The following TNK2 variants were observed in gnomAD, a reference collection of about 807,000 sequenced individuals.
TNK2 encodes the protein tyrosine kinase non receptor 2.
TNK2 carries 83 observed loss-of-function variants against 101.8 expected under a neutral mutation model. That is an observed-to-expected ratio of 0.82 (90% CI 0.68 to 0.98). The LOEUF (loss-of-function observed/expected upper bound fraction) is 0.98. Among genes scored for constraint, TNK2 ranks in the 50% least tolerant of loss-of-function variants. The pLI is 0.00. For synonymous variants in TNK2, 804 were observed against 633.0 expected (o/e 1.27, Z -4.06); for missense variants, 1,665 against 1,483.2 (o/e 1.12, Z -2.01).
intron 10 of TNK2, among the ~76,000 whole-genome samples, chr3:195,871,021 G>A (rs1007477602): frequency 1.5e-3 from 189 of 127,750 alleles, no homozygotes; most frequent in Non-Finnish European, 2.4e-3. Context: ...GTGTGTGGGG[G>A]CCCGCTGTGT....
rs1226776400 is a variant in TNK2 at position 195,887,809 on chromosome 3, CGTGTGCATGCGG to C, written c.163+605_163+616del. Among the ~76,000 whole-genome samples the C allele has an allele frequency of 1.3e-5, 2 of 148,560 alleles. 1 individual carries two copies. Among genetic ancestry groups the C allele is most frequent in the Admixed American group, 1.3e-4 (2 of 15,054 alleles). ...TGTGTGTACATGTGTGTATGCCGTG[CGTGTGCATGCGG>C]GTGTGCGCACACACGTGTGTGTGTG... On this transcript the variant is annotated intron_variant, in intron 2 of 15. Transcript: ENST00000672887.
At chr3:195,883,620 G>A (rs1754257682) in intron 4 of TNK2, 1 of 263,654 alleles carries the variant, frequency 3.8e-6, no homozygotes, top group South Asian at 5.8e-5. Flanking sequence ...TTATAAAATG[G>A]AATTTTTTTT....
In TNK2 at chr3:195,878,229, G is replaced by A. The variant is rs12233585; in HGVS notation, c.1256+24C>T. 0.02 allele frequency: 31,723 copies of A among 1,609,160 alleles called. 2,250 individuals are homozygous for A. In the East Asian group the frequency reaches 0.26, roughly 13 times the overall value. The stretch of plus-strand genomic sequence containing the variant: ...TGTGCCCTTCAAGCGATCCCAGGGC[G>A]GGGCCCAGCCCTGCACTCCCTACCT... On this transcript the variant is annotated intron_variant, in intron 9 of 15. Transcript: ENST00000672887. The surrounding 1 kb of genome is among the most constrained non-coding windows in gnomAD (Gnocchi z 4.7).
At position 195,885,678 on chromosome 3, in the gene TNK2, C is replaced by T. The variant is rs979516686; in HGVS notation, c.235-645G>A. ...CTGGAGGGGCGCCTAGAGCTGAGGGCTGAGACGGAAGGAAAAGTGGAGGAG... is the reference window on the plus strand; with the variant it reads ...CTGGAGGGGCGCCTAGAGCTGAGGGTTGAGACGGAAGGAAAAGTGGAGGAG... On this transcript the variant is annotated intron_variant, in intron 3 of 15. Coordinates refer to ENST00000672887, the MANE Select transcript of TNK2 (RefSeq NM_001382273.1). The surrounding 1 kb of genome is among the most constrained non-coding windows in gnomAD (Gnocchi z 4.7). 2.1e-5 allele frequency: 21 copies of T among 984,424 alleles called. No homozygotes were observed. The highest frequency in any genetic ancestry group is 2.8e-5 in the Non-Finnish European group (20 of 719,998). 61.0% of individuals were successfully genotyped at this position (984,424 alleles called of 1,614,324 possible).
Position 195,868,140 on chromosome 3 carries a change from CTGCGGTCTG to C in TNK2, c.2149_2157del (p.Gln717_Ala719del). ...TCCTGCTGTAGCGCCTGGAAGATCT[CTGCGGTCTG>C]TGCGGAGCTGGGCGGCTTGCCCCCA... On this transcript the variant is annotated inframe_deletion, in exon 13 of 16. Coordinates refer to ENST00000672887, the MANE Select transcript of TNK2 (RefSeq NM_001382273.1). 1 of 1,611,678 alleles carries C rather than the reference CTGCGGTCTG, an allele frequency of 6.2e-7. No homozygotes were observed. Among genetic ancestry groups the C allele is most frequent in the Non-Finnish European group, 8.5e-7 (1 of 1,179,512 alleles).
In TNK2 at chr3:195,867,889, G is replaced by A. The variant is rs1741973990; in HGVS notation, c.2409C>T (p.Gly803=). 2.0e-6 allele frequency: 3 copies of A among 1,531,032 alleles called. No homozygotes were observed. The highest frequency in any genetic ancestry group is 1.4e-5 in the African/African-American group (1 of 71,818). The allele number at this position is 1,531,032 out of a possible 1,614,324, so 94.8% of individuals were successfully genotyped here. A position where few individuals can be genotyped will look rare whatever the true frequency, so the allele number is the denominator to read the frequency against. ...VPPREPLSPQ[G]SRTPSPLVPP... Reference sequence around the variant, plus strand: ...GTACCAGGGGGCTGGGTGTCCTCGAGCCTTGAGGGGACAGGGGCTCCCGCG... The same window carrying A: ...GTACCAGGGGGCTGGGTGTCCTCGAACCTTGAGGGGACAGGGGCTCCCGCG... Residue 803 remains glycine (G), a synonymous_variant, in exon 13 of 16, where the codon GGC becomes GGT. Coordinates refer to ENST00000672887, the MANE Select transcript of TNK2 (RefSeq NM_001382273.1).
intron 2 of TNK2, among the ~76,000 whole-genome samples, chr3:195,887,943 CGTGTGTGCCTGCGTGTGTGTGTGT>C (rs1297585686): frequency 1.8e-5 from 2 of 110,716 alleles, no homozygotes; most frequent in African/African-American, 4.3e-5. Context: ...TGCGCATGTG[CGTGTGTGCCTGCGTGTGTGTGTGT>C]GTGTGTGTAT....
intron 1 of TNK2, chr3:195,896,271 T>G (rs1357545161): frequency 5.7e-6 from 2 of 350,246 alleles, no homozygotes; most frequent in African/African-American, 4.5e-5. Context: ...GTACCAGGTA[T>G]TTAGGGCTGA....
chr3:195,907,266 T>C (rs1761823239), intron 1 of TNK2, among the ~76,000 whole-genome samples: 1 of 152,134 alleles, frequency 6.6e-6, no homozygotes, highest in Non-Finnish European at 1.5e-5. Context: ...AGTGTTTGGG[T>C]GGCAGCGCGA....
At chr3:195,883,094 C>T (rs1753930568) in intron 5 of TNK2, 63 bp downstream of exon 5, 14 of 1,575,124 alleles carry the variant, frequency 8.9e-6, no homozygotes, top group African/African-American at 4.0e-5. Flanking sequence ...AGAGAGGAAC[C>T]GAACCACACA....
Position 195,900,679 on chromosome 3 carries a change from C to T in TNK2, c.-19+7806G>A, listed in dbSNP as rs560174123. On this transcript the variant is annotated intron_variant, in intron 1 of 15. Transcript: ENST00000672887. ...GCTGTCTGGGTCTCACTCCCATGCA[C>T]GCCACACATGCCCAGGTGCCGAGGC... is the stretch of plus-strand genomic sequence containing the variant. Among the ~76,000 whole-genome samples the T allele has an allele frequency of 5.3e-5, 8 of 152,334 alleles. No individual in the cohort carries two copies. The South Asian group carries it at 1.4e-3, about 28-fold the overall frequency.
rs1754805653 is a variant in TNK2, at chr3:195,884,702, A to C, written c.456+110T>G. ...CTGAGCACGGACTCTGGGATGAGCC[A>C]CACTGTGACGCATCCCCAGTCCCAT... On this transcript the variant is annotated intron_variant, in intron 4 of 15. Coordinates refer to ENST00000672887, the MANE Select transcript of TNK2 (RefSeq NM_001382273.1). The C allele has an allele frequency of 3.0e-6, 3 of 986,426 alleles. No homozygotes were observed. The South Asian group carries it at 5.1e-5, about 17-fold the overall frequency. 61.1% of individuals were successfully genotyped at this position (986,426 alleles called of 1,614,324 possible). A position where few individuals can be genotyped will look rare whatever the true frequency, so the allele number is the denominator to read the frequency against.
chr3:195,868,935 T>G, intron 12 of TNK2: 1 of 563,972 alleles, frequency 1.8e-6, no homozygotes, highest in Non-Finnish European at 3.1e-6. Flanking sequence ...TGTGGGCCGG[T>G]GAGCCCCGCC....
At position 195,867,018 on chromosome 3, in the gene TNK2, T is replaced by C; in HGVS notation, c.3034-2A>G. The C allele has an allele frequency of 6.2e-7, 1 of 1,612,972 alleles. No individual in the cohort carries two copies. Among genetic ancestry groups the C allele is most frequent in the Non-Finnish European group, 8.5e-7 (1 of 1,179,876 alleles). The stretch of plus-strand genomic sequence containing the variant: ...ACCCAGCCCGAAGAGCTGCTCCACC[T>C]GGGGGTAAGGGTGGCGCCATGGACA... On this transcript the variant is annotated splice_acceptor_variant, in intron 14 of 15. Transcript: ENST00000672887. LOFTEE classifies it high-confidence loss of function.
chr3:195,905,677 A>G (rs1029952052), intron 1 of TNK2, among the ~76,000 whole-genome samples: 1 of 152,228 alleles, frequency 6.6e-6, no homozygotes, highest in Admixed American at 6.5e-5. Context: ...TGTAAAGCCC[A>G]AAACTATAAA....
chr3:195,898,568 C>A (rs965743628), intron 1 of TNK2, among the ~76,000 whole-genome samples: 2 of 152,206 alleles, frequency 1.3e-5, no homozygotes, highest in East Asian at 3.8e-4. Context: ...CTTCAAATGT[C>A]TCTATGTCCC....
In TNK2 at chr3:195,883,299, G is replaced by A. The variant is rs1054632832; in HGVS notation, c.467C>T (p.Ala156Val). ...GACATCGGGCTTCAGGCACTTCACA[G>A]CCACACTCACCTGCCCAGAGCGGGA... ...DAPSGKTVSV[A>V]VKCLKPDVLS... The change falls in exon 5 of 16, where the codon GCT (alanine) becomes GTT (valine). Residue 156 changes from alanine (A) to valine (V), a missense_variant. Ala to Val is a moderately conservative substitution (Grantham distance 64, BLOSUM62 0). Around this residue, in one of 3 missense-constraint regions of TNK2, gnomAD observed 490 missense variants for 522.5 expected, o/e 0.94. Transcript: ENST00000672887. 3 of 1,613,124 alleles carry A rather than the reference G, an allele frequency of 1.9e-6. No homozygotes were observed. The highest frequency in any genetic ancestry group is 2.5e-6 in the Non-Finnish European group (3 of 1,180,044).
intron 1 of TNK2, chr3:195,894,442 G>C (rs1759803119): frequency 6.6e-6 from 1 of 150,448 alleles, no homozygotes. Context: ...TTTTTTGAGA[G>C]TCTTGCTCTA....
intron 1 of TNK2, chr3:195,892,402 C>G (rs1283241477): frequency 6.5e-7 from 1 of 1,530,300 alleles, no homozygotes; most frequent in East Asian, 2.5e-5. Flanking sequence ...GCCCCTGCCC[C>G]CCACTCACTG....
Sources: allele counts gnomAD v4.1 joint callset (sites outside exome capture counted in the v4.1 genomes callset), GRCh38; gene constraint gnomAD v4.1.1; regional missense constraint gnomAD v4.1.1; non-coding constraint Gnocchi (gnomAD v3.1); transcripts MANE v1.5; gene names NCBI Gene and HGNC (gene_info 2026-07-23, HGNC 2026-07-21).